Variants in BRINP2 observed in about 807,000 individuals in gnomAD.
BRINP2 encodes BMP/retinoic acid-inducible neural-specific protein 2.
Under a neutral mutation model 69.2 loss-of-function variants are expected in BRINP2, and 21 were observed. The observed-to-expected ratio is 0.30, with a 90% CI of 0.22 to 0.44. The LOEUF (loss-of-function observed/expected upper bound fraction) is 0.44, where lower values mean the gene tolerates loss of function less well. Among genes scored for constraint, BRINP2 ranks in the 20% least tolerant of loss-of-function variants. BRINP2 has a pLI of 1.00. For synonymous variants in BRINP2, 380 were observed against 394.1 expected (o/e 0.96, Z 0.42); for missense variants, 877 against 986.0 (o/e 0.89, Z 1.48).
intron 1 of BRINP2, among the ~76,000 whole-genome samples, chr1:177,188,551 TAGA>T (rs1005166199): frequency 3.9e-5 from 6 of 152,146 alleles, no homozygotes; most frequent in Admixed American, 1.3e-4. Context: ...AAGCAAAGAC[TAGA>T]AGAAGAAGTT....
intron 1 of BRINP2, among the ~76,000 whole-genome samples, chr1:177,224,268 T>C (rs963605177): frequency 6.6e-6 from 1 of 152,196 alleles, no homozygotes; most frequent in African/African-American, 2.4e-5. Flanking sequence ...TAACCACTTA[T>C]ATGGCTTGAA....
At chr1:177,259,382 A>G (rs1053788822) in intron 4 of BRINP2, among the ~76,000 whole-genome samples, 2 of 152,198 alleles carry the variant, frequency 1.3e-5, no homozygotes, top group Non-Finnish European at 2.9e-5. Context: ...ACCCGTCTCC[A>G]TGATATACAA....
chr1:177,192,500 AT>A (rs930209072), intron 1 of BRINP2, among the ~76,000 whole-genome samples: 3 of 152,082 alleles, frequency 2.0e-5, no homozygotes, highest in African/African-American at 2.4e-5. Context: ...TGTCTAACTT[AT>A]TTTTTTCCCC....
chr1:177,174,345 G>C (rs533353593), intron 1 of BRINP2, among the ~76,000 whole-genome samples: 1 of 152,308 alleles, frequency 6.6e-6, no homozygotes, highest in African/African-American at 2.4e-5. Flanking sequence ...ATGACACAAG[G>C]TTTCTCCTCC....
intron 1 of BRINP2, among the ~76,000 whole-genome samples, chr1:177,208,540 G>A (rs942342313): frequency 2.6e-5 from 4 of 152,134 alleles, no homozygotes; most frequent in Non-Finnish European, 2.9e-5. Context: ...TGCATCCCAG[G>A]TGCTGAATCT....
intron 1 of BRINP2, among the ~76,000 whole-genome samples, chr1:177,178,093 T>A (rs566000321): frequency 6.6e-6 from 1 of 152,308 alleles, no homozygotes; most frequent in African/African-American, 2.4e-5. Flanking sequence ...TACCTCCTAA[T>A]GATTTCTCAA....
At chr1:177,203,190 A>G (rs2102305033) in intron 1 of BRINP2, among the ~76,000 whole-genome samples, 1 of 152,142 alleles carries the variant, frequency 6.6e-6, no homozygotes, top group Admixed American at 6.5e-5. Context: ...ACGTGGATGA[A>G]GCTGGAAACC....
At chr1:177,198,140 A>G (rs1056172545) in intron 1 of BRINP2, among the ~76,000 whole-genome samples, 2 of 152,220 alleles carry the variant, frequency 1.3e-5, no homozygotes, top group African/African-American at 4.8e-5. Flanking sequence ...TGAGTCTAAA[A>G]TATGAATATA....
In BRINP2 at chr1:177,229,920, C is replaced by T. The variant is rs1259850277; in HGVS notation, c.44C>T (p.Ala15Val). The change falls in exon 2 of 8, where the codon GCG becomes GTG. Residue 15 changes from alanine (A) to valine (V), a missense_variant. Coordinates refer to ENST00000361539, the MANE Select transcript of BRINP2 (RefSeq NM_021165.4). ...CGTRFRGLRP[A>V]VAPWTALLAL... is the part of the protein sequence containing the mutation. ...ACTCGGTTTAGAGGGCTTCGGCCGG[C>T]GGTGGCCCCATGGACAGCCCTGCTG... is the stretch of plus-strand genomic sequence containing the variant. The T allele has an allele frequency of 1.2e-6, 2 of 1,608,144 alleles. No individual in the cohort carries two copies. Among genetic ancestry groups the T allele is most frequent in the East Asian group, 2.2e-5 (1 of 44,716 alleles).
chr1:177,193,031 C>A (rs112100650), intron 1 of BRINP2, among the ~76,000 whole-genome samples: 1 of 152,294 alleles, frequency 6.6e-6, no homozygotes, highest in South Asian at 2.1e-4. Flanking sequence ...AAACCACTAC[C>A]CATGAGGGGT....
chr1:177,176,234 G>C (rs1052205721), intron 1 of BRINP2, among the ~76,000 whole-genome samples: 1 of 152,110 alleles, frequency 6.6e-6, no homozygotes, highest in Non-Finnish European at 1.5e-5. Context: ...CTAAGCTCTA[G>C]GCAGTTGCCA....
At chr1:177,183,257 GA>G (rs528705660) in intron 1 of BRINP2, among the ~76,000 whole-genome samples, 68 of 134,216 alleles carry the variant, frequency 5.1e-4, no homozygotes, top group African/African-American at 1.4e-3. Flanking sequence ...ATTTTGGAAA[GA>G]AAAAAAAAAG....
At chr1:177,221,194 C>T (rs1230075661) in intron 1 of BRINP2, among the ~76,000 whole-genome samples, 1 of 152,190 alleles carries the variant, frequency 6.6e-6, no homozygotes, top group Admixed American at 6.5e-5. Flanking sequence ...GTTTTCTTCT[C>T]TGTACAATGG....
At chr1:177,254,906 TG>T (rs1650705244) in intron 2 of BRINP2, among the ~76,000 whole-genome samples, 1 of 152,194 alleles carries the variant, frequency 6.6e-6, no homozygotes. Flanking sequence ...TAATGAAAAG[TG>T]TCAAAATGTG....
Position 177,278,693 on chromosome 1 carries a change from G to A in BRINP2, c.1143G>A (p.Val381=), listed in dbSNP as rs892904318. 2 of 1,614,224 alleles carry A rather than the reference G, an allele frequency of 1.2e-6. No homozygotes were observed. Among genetic ancestry groups the A allele is most frequent in the Non-Finnish European group, 1.7e-6 (2 of 1,180,040 alleles). The change falls in exon 7 of 8, where the codon GTG becomes GTA. Residue 381 remains valine (V), a synonymous_variant. Transcript: ENST00000361539. The stretch of plus-strand genomic sequence containing the variant: ...AGCAGCTGGGAGCTGGCTTGAAAGT[G>A]CTGTTCAAAAAGACCCATCGGATCC... ...RYQQLGAGLK[V]LFKKTHRILR...
chr1:177,229,685 G>A, intron 1 of BRINP2, 116 bp from the exon 2 acceptor site: 1 of 685,258 alleles, frequency 1.5e-6, no homozygotes, highest in Non-Finnish European at 2.3e-6. Context: ...CGAGAACGAA[G>A]TTATGTTACT....
rs550011886 is a variant in BRINP2 at position 177,227,597 on chromosome 1, T to C, written c.-76-2204T>C. 3.3e-5 allele frequency among the ~76,000 whole-genome samples: 5 copies of C among 151,802 alleles called. No homozygotes were observed. The East Asian group carries it at 7.7e-4, about 24-fold the overall frequency. ...TATGTACAAAGCCGATTCCTCTTTT[T>C]AGTTTCAAAAGAGTTTTTTTTTTTT... On this transcript the variant is annotated intron_variant, in intron 1 of 7. Transcript: ENST00000361539.
intron 1 of BRINP2, among the ~76,000 whole-genome samples, chr1:177,215,439 A>AT (rs950180568): frequency 1.5e-4 from 23 of 152,064 alleles, no homozygotes; most frequent in African/African-American, 4.6e-4. Context: ...TTTACTCCTA[A>AT]TTTTTTTATA....
intron 4 of BRINP2, among the ~76,000 whole-genome samples, chr1:177,265,222 A>G (rs1303313864): frequency 6.6e-6 from 1 of 152,214 alleles, no homozygotes; most frequent in Admixed American, 6.5e-5. Flanking sequence ...CCCCTATTTA[A>G]TAAATGGTGC....
Sources: allele counts gnomAD v4.1 joint callset (sites outside exome capture counted in the v4.1 genomes callset), GRCh38; gene constraint gnomAD v4.1.1; transcripts MANE v1.5; gene names NCBI Gene and HGNC (gene_info 2026-07-23, HGNC 2026-07-21).